GRIK4: variants seen among roughly 807,000 people sequenced by gnomAD.
GRIK4 encodes the protein glutamate receptor ionotropic, kainate 4.
Under a neutral mutation model 104.9 loss-of-function variants are expected in GRIK4, and 40 were observed. That is an observed-to-expected ratio of 0.38 (90% CI 0.30 to 0.50). The LOEUF (loss-of-function observed/expected upper bound fraction) is 0.50, where lower values mean the gene tolerates loss of function less well. Among genes scored for constraint, GRIK4 ranks in the 20% least tolerant of loss-of-function variants. GRIK4 has a pLI of 0.93. For synonymous variants in GRIK4, 485 were observed against 524.9 expected (o/e 0.92, Z 1.04); for missense variants, 1,047 against 1,308.1 (o/e 0.80, Z 3.08).
chr11:120,826,393 ATCTCAGTCACTGAATT>A (rs1400375379), intron 6 of GRIK4, among the ~76,000 whole-genome samples: 1 of 152,124 alleles, frequency 6.6e-6, no homozygotes, highest in African/African-American at 2.4e-5. Flanking sequence ...TGACCGTATG[ATCTCAGTCACTGAATT>A]TCTCCCGCCC....
intron 13 of GRIK4, among the ~76,000 whole-genome samples, chr11:120,907,283 C>CT (rs1222944154): frequency 6.6e-6 from 1 of 152,118 alleles, no homozygotes; most frequent in African/African-American, 2.4e-5. Flanking sequence ...TGCCTGATGA[C>CT]TGGTAGGGTG....
chr11:120,807,134 A>G (rs1240797942), intron 4 of GRIK4, among the ~76,000 whole-genome samples: 7 of 152,180 alleles, frequency 4.6e-5, no homozygotes, highest in Admixed American at 3.9e-4. Flanking sequence ...CTATTAGGTC[A>G]GCTCCTGTCC....
At chr11:120,642,776 C>T (rs780847621) in intron 1 of GRIK4, among the ~76,000 whole-genome samples, 1 of 152,150 alleles carries the variant, frequency 6.6e-6, no homozygotes, top group Admixed American at 6.5e-5. Context: ...AATTCTCTGC[C>T]GTCCTCCTCC....
intron 1 of GRIK4, among the ~76,000 whole-genome samples, chr11:120,519,421 C>T (rs1947769740): frequency 1.3e-5 from 2 of 151,998 alleles, no homozygotes; most frequent in African/African-American, 2.4e-5. Context: ...AAAGCCCCCT[C>T]ACCGCTCCCA....
intron 13 of GRIK4, among the ~76,000 whole-genome samples, chr11:120,913,498 T>C (rs2134539579): frequency 6.6e-6 from 1 of 151,532 alleles, no homozygotes; most frequent in South Asian, 2.1e-4. Context: ...AGGGCCCTGC[T>C]TGGGAGAGAG....
chr11:120,943,992 A>G (rs1943791320), intron 14 of GRIK4, among the ~76,000 whole-genome samples: 1 of 152,168 alleles, frequency 6.6e-6, no homozygotes, highest in African/African-American at 2.4e-5. Context: ...AACACTGGGT[A>G]TAATCTCTGT....
intron 20 of GRIK4, among the ~76,000 whole-genome samples, chr11:120,982,967 G>A (rs567615079): frequency 2.0e-5 from 3 of 152,184 alleles, no homozygotes; most frequent in African/African-American, 4.8e-5. Context: ...GGACTTCCAC[G>A]CCGTTGCCCA....
intron 9 of GRIK4, chr11:120,869,932 G>A (rs1459945653): frequency 6.6e-6 from 1 of 152,282 alleles, no homozygotes; most frequent in Non-Finnish European, 1.5e-5. Flanking sequence ...TGGTGAGGTT[G>A]GAGGCCAAAT....
intron 10 of GRIK4, among the ~76,000 whole-genome samples, chr11:120,874,932 T>C (rs1807670518): frequency 6.6e-6 from 1 of 152,190 alleles, no homozygotes; most frequent in Admixed American, 6.5e-5. Context: ...ATTCTTCTCC[T>C]ACTCCAGGCC....
intron 3 of GRIK4, among the ~76,000 whole-genome samples, chr11:120,797,581 G>C (rs905241031): frequency 6.6e-6 from 1 of 152,120 alleles, no homozygotes; most frequent in African/African-American, 2.4e-5. Flanking sequence ...ACCTGTTGTC[G>C]TCCTAGTTAT....
At chr11:120,840,879 A>G (rs1044238133) in intron 8 of GRIK4, among the ~76,000 whole-genome samples, 17 of 152,042 alleles carry the variant, frequency 1.1e-4, no homozygotes, top group African/African-American at 4.1e-4. Context: ...CCATTAAGCA[A>G]TAGCTCCCCA....
At chr11:120,530,608 A>G (rs1438912638) in intron 1 of GRIK4, among the ~76,000 whole-genome samples, 2 of 152,202 alleles carry the variant, frequency 1.3e-5, no homozygotes, top group Non-Finnish European at 2.9e-5. Flanking sequence ...CATTTCCTGC[A>G]AAGTCCCAAA....
At chr11:120,532,333 G>A (rs758493912) in intron 1 of GRIK4, among the ~76,000 whole-genome samples, 21 of 152,264 alleles carry the variant, frequency 1.4e-4, no homozygotes, top group South Asian at 6.2e-4. Context: ...CCTTGTGCCC[G>A]GGGGTCCGCC....
chr11:120,740,129 A>G (rs556820925), intron 3 of GRIK4, among the ~76,000 whole-genome samples: 5 of 152,306 alleles, frequency 3.3e-5, no homozygotes, highest in Admixed American at 1.3e-4. Context: ...TTGGCATCAC[A>G]TAGGTGTAGA....
intron 3 of GRIK4, among the ~76,000 whole-genome samples, chr11:120,801,633 T>A (rs560719944): frequency 7.5e-4 from 114 of 152,374 alleles, no homozygotes; most frequent in African/African-American, 2.6e-3. Context: ...CACATTTTTT[T>A]ATCTATCAAT....
At chr11:120,757,806 G>A (rs955873504) in intron 3 of GRIK4, among the ~76,000 whole-genome samples, 8 of 152,082 alleles carry the variant, frequency 5.3e-5, no homozygotes, top group Non-Finnish European at 7.4e-5. Context: ...TCTGGGCTTC[G>A]GAGGGCAGGA....
At chr11:120,880,711 G>A (rs1954946865) in intron 11 of GRIK4, among the ~76,000 whole-genome samples, 1 of 152,194 alleles carries the variant, frequency 6.6e-6, no homozygotes. Context: ...TGCCTCTCAA[G>A]GGACACATTC....
intron 3 of GRIK4, among the ~76,000 whole-genome samples, chr11:120,669,279 G>C (rs1183191101): frequency 6.6e-6 from 1 of 152,158 alleles, no homozygotes; most frequent in Admixed American, 6.5e-5. Flanking sequence ...AGAGCATCCT[G>C]AGGAGAGAGC....
At chr11:120,798,157 CTTT>C (rs539833846) in intron 3 of GRIK4, among the ~76,000 whole-genome samples, 1 of 68,086 alleles carries the variant, frequency 1.5e-5, no homozygotes, top group Non-Finnish European at 2.8e-5. Context: ...TCTGCTGTCT[CTTT>C]TTTTTTTTTT....
Sources: allele counts gnomAD v4.1 joint callset (sites outside exome capture counted in the v4.1 genomes callset), GRCh38; gene constraint gnomAD v4.1.1; transcripts MANE v1.5; gene names NCBI Gene and HGNC (gene_info 2026-07-23, HGNC 2026-07-21).